Variants in CASP10 observed in about 807,000 individuals in gnomAD.
The protein encoded by CASP10 is caspase 10.
A neutral mutation model predicts 48.5 loss-of-function variants in CASP10; 41 were observed. The ratio of observed to expected loss-of-function variants is 0.85; its 90% CI spans 0.66 to 1.10. The LOEUF is 1.10. Ranked by LOEUF, CASP10 falls within the 50% of genes least tolerant of loss-of-function variation. The pLI is 0.00. For missense variants in CASP10, 614 were observed against 614.5 expected (o/e 1.00, Z 0.01); for synonymous variants, 232 against 238.4 (o/e 0.97, Z 0.25).
chr2:201,224,889 A>G (rs1364978992), downstream of CASP10, among the ~76,000 whole-genome samples: 1 of 152,216 alleles, frequency 6.6e-6, no homozygotes, highest in Non-Finnish European at 1.5e-5. Flanking sequence ...AGAAAAAAGT[A>G]TATTTATTTA....
At chr2:201,194,144 T>C (rs1322840434) in intron 4 of CASP10, among the ~76,000 whole-genome samples, 1 of 151,808 alleles carries the variant, frequency 6.6e-6, no homozygotes, top group African/African-American at 2.4e-5. Flanking sequence ...CTGATAAAGG[T>C]AGTTCTGCTG....
chr2:201,227,692 G>T (rs1945806194), intron 9 of CASP10, among the ~76,000 whole-genome samples: 2 of 151,836 alleles, frequency 1.3e-5, no homozygotes. Flanking sequence ...GAGTAGCTGG[G>T]ACTACAGGTG....
chr2:201,220,096 G>T lies in CASP10; in HGVS notation c.*2355G>T. 1 of 985,370 alleles carries T rather than the reference G, an allele frequency of 1.0e-6. No individual in the cohort carries two copies. Among genetic ancestry groups the T allele is most frequent in the Non-Finnish European group, 1.2e-6 (1 of 829,868 alleles). 61.0% of individuals were successfully genotyped at this position (985,370 alleles called of 1,614,324 possible). A position where few individuals can be genotyped will look rare whatever the true frequency, so the allele number is the denominator to read the frequency against. ...TTATAAGAATATTCACAAGAACACT[G>T]TTCTGATATCTCTGATTGTCATGTG... On this transcript the variant is annotated 3_prime_UTR_variant, in exon 10 of 10. Coordinates refer to ENST00000286186, the MANE Select transcript of CASP10 (RefSeq NM_032977.4).
At chr2:201,188,464 G>A (rs916370366) in intron 3 of CASP10, among the ~76,000 whole-genome samples, 2 of 152,202 alleles carry the variant, frequency 1.3e-5, no homozygotes, top group African/African-American at 4.8e-5. Flanking sequence ...ACAGGTGTGA[G>A]TCACCGCACC....
chr2:201,213,644 TC>T (rs1356985777), intron 9 of CASP10: 1 of 152,150 alleles, frequency 6.6e-6, no homozygotes, highest in Non-Finnish European at 1.5e-5. Flanking sequence ...GTAATATGAT[TC>T]AGCTGTGGAT....
intron 5 of CASP10, among the ~76,000 whole-genome samples, chr2:201,200,076 C>G (rs1944958253): frequency 6.6e-6 from 1 of 152,136 alleles, no homozygotes; most frequent in African/African-American, 2.4e-5. Context: ...AGTGATGTGT[C>G]TTTCTCAGGG....
intron 5 of CASP10, chr2:201,200,401 C>G: frequency 3.2e-6 from 5 of 1,576,912 alleles, no homozygotes; most frequent in Non-Finnish European, 3.4e-6. Context: ...TAAGTTGGCT[C>G]TCAGCATTCT....
Position 201,209,526 on chromosome 2 carries a change from A to G in CASP10, c.1379A>G (p.Gln460Arg), listed in dbSNP as rs781652438. The G allele has an allele frequency of 1.4e-5, 22 of 1,612,544 alleles. No individual in the cohort carries two copies. The highest frequency in any genetic ancestry group is 1.9e-5 in the Non-Finnish European group (22 of 1,179,654). The change falls in exon 9 of 10, where the codon CAG becomes CGG. Residue 460 changes from glutamine (Q) to arginine (R), a missense_variant. Coordinates refer to ENST00000286186, the MANE Select transcript of CASP10 (RefSeq NM_032977.4). ...GTGGAGGAAGGCAGCTGGTATATTC[A>G]GTCTCTGTGTAATCATCTGAAGAAA... is the stretch of plus-strand genomic sequence containing the variant. ...RHVEEGSWYI[Q>R]SLCNHLKKLV...
intron 2 of CASP10, among the ~76,000 whole-genome samples, chr2:201,187,104 G>A (rs1029360343): frequency 6.6e-5 from 10 of 152,208 alleles, no homozygotes; most frequent in African/African-American, 2.2e-4. Flanking sequence ...AAGCCTTAGC[G>A]GTGGAACTGG....
At chr2:201,210,727 C>T (rs1167695526) in intron 9 of CASP10, among the ~76,000 whole-genome samples, 2 of 152,206 alleles carry the variant, frequency 1.3e-5, no homozygotes, top group Admixed American at 6.5e-5. Flanking sequence ...TATGTGCTTA[C>T]TGTACTGGGT....
At position 201,221,253 on chromosome 2, in the gene CASP10, C is replaced by A; in HGVS notation, c.*3512C>A. On this transcript the variant is annotated 3_prime_UTR_variant, in exon 10 of 10. Coordinates refer to ENST00000286186, the MANE Select transcript of CASP10 (RefSeq NM_032977.4). ...CGTGATGTCTACCGCAGCAGAAGGC[C>A]AGCTCTTGACTCTGAGTTCAGTTGG... 1 of 985,586 alleles carries A rather than the reference C, an allele frequency of 1.0e-6. No homozygotes were observed. Among genetic ancestry groups the A allele is most frequent in the Non-Finnish European group, 1.2e-6 (1 of 830,054 alleles). The allele number at this position is 985,586 out of a possible 1,614,324, so 61.1% of individuals were successfully genotyped here.
intron 3 of CASP10, among the ~76,000 whole-genome samples, chr2:201,190,579 T>C (rs1053082055): frequency 6.6e-6 from 1 of 152,040 alleles, no homozygotes; most frequent in African/African-American, 2.4e-5. Context: ...CTCTCCCAAG[T>C]TGGGGCATCC....
intron 9 of CASP10, 69 bp from the exon 10 acceptor site, chr2:201,217,519 A>G (rs2126061837): frequency 1.0e-6 from 1 of 967,602 alleles, no homozygotes; most frequent in Non-Finnish European, 1.7e-6. Context: ...AGATCACACC[A>G]CTGCACTCCA....
chr2:201,227,243 T>C (rs62191502), intron 9 of CASP10, among the ~76,000 whole-genome samples: 5,722 of 152,226 alleles, frequency 0.038, 186 homozygotes, highest in Admixed American at 0.075. Context: ...GCCACCAGAT[T>C]GGGTGATTTT....
chr2:201,228,930 T>TA, intron 9 of CASP10: 1 of 1,614,018 alleles, frequency 6.2e-7, no homozygotes, highest in South Asian at 1.1e-5. Context: ...TTGTGCTCAG[T>TA]AGGATGCTGA....
intron 9 of CASP10, among the ~76,000 whole-genome samples, chr2:201,210,043 G>A (rs1168903155): frequency 1.3e-5 from 2 of 152,246 alleles, no homozygotes; most frequent in African/African-American, 2.4e-5. Context: ...ATGACAAATA[G>A]ATGTTAGGTA....
chr2:201,204,769 C>G (rs1434146817), intron 6 of CASP10, among the ~76,000 whole-genome samples: 2 of 152,176 alleles, frequency 1.3e-5, no homozygotes, highest in Admixed American at 6.5e-5. Context: ...AAGAATAAAG[C>G]AGTTTCTTTC....
intron 4 of CASP10, among the ~76,000 whole-genome samples, chr2:201,194,595 C>T (rs1944723450): frequency 6.6e-6 from 1 of 152,024 alleles, no homozygotes; most frequent in South Asian, 2.1e-4. Context: ...TTGAAATCCT[C>T]ACATGAGCTC....
chr2:201,214,124 T>A (rs1000964443), intron 9 of CASP10: 1 of 152,156 alleles, frequency 6.6e-6, no homozygotes, highest in African/African-American at 2.4e-5. Flanking sequence ...TATTAAATGT[T>A]ATTATTATCA....
Sources: gnomAD v4.1 joint callset for allele counts (sites outside exome capture counted in the v4.1 genomes callset) on GRCh38, gnomAD v4.1.1 for gene constraint, MANE v1.5 for transcripts, NCBI Gene and HGNC (gene_info 2026-07-23, HGNC 2026-07-21) for gene names.